The following AP1S3 variants were observed in gnomAD, a reference collection of about 807,000 sequenced individuals.
AP1S3 encodes adaptor related protein complex 1 subunit sigma 3, also known as AP-1 complex subunit sigma-3.
AP1S3 carries 10 observed loss-of-function variants against 20.9 expected under a neutral mutation model. The ratio of observed to expected loss-of-function variants is 0.48; its 90% CI spans 0.29 to 0.81. The LOEUF is 0.81. Ranked by LOEUF, AP1S3 falls within the 30% of genes least tolerant of loss-of-function variation. AP1S3 has a pLI of 0.08. For synonymous variants in AP1S3, 41 were observed against 61.5 expected (o/e 0.67, Z 1.56); for missense variants, 154 against 183.8 (o/e 0.84, Z 0.94).
chr2:223,769,736 ATTTTTT>A (rs61207667), intron 3 of AP1S3, among the ~76,000 whole-genome samples: 9 of 80,146 alleles, frequency 1.1e-4, no homozygotes, highest in East Asian at 8.8e-4. Context: ...ATGCAATCCC[ATTTTTT>A]TTTTTTTTTT....
chr2:223,768,247 G>A (rs1452339523), intron 3 of AP1S3, among the ~76,000 whole-genome samples: 1 of 152,074 alleles, frequency 6.6e-6, no homozygotes, highest in African/African-American at 2.4e-5. Flanking sequence ...AACAATTCTT[G>A]AATTGTGTCC....
chr2:223,806,646 T>C (rs185829241), intron 1 of AP1S3, among the ~76,000 whole-genome samples: 6 of 152,320 alleles, frequency 3.9e-5, no homozygotes, highest in Admixed American at 1.3e-4. Context: ...GTCCTTTTAT[T>C]TTCTTACAGT....
intron 2 of AP1S3, among the ~76,000 whole-genome samples, chr2:223,776,861 G>C (rs549081284): frequency 4.9e-4 from 74 of 152,206 alleles, no homozygotes; most frequent in Middle Eastern, 3.4e-3. Context: ...ACTGTGACTG[G>C]GAACTGACTA....
intron 2 of AP1S3, among the ~76,000 whole-genome samples, chr2:223,777,426 G>C (rs1690810875): frequency 6.6e-6 from 1 of 152,136 alleles, no homozygotes; most frequent in African/African-American, 2.4e-5. Flanking sequence ...TGCCAGGAAT[G>C]TAACAGGTGT....
chr2:223,777,784 T>G lies in AP1S3; in HGVS notation c.89A>C (p.Lys30Thr). Residue 30 changes from lysine to threonine, a missense_variant, in exon 2 of 5, where the codon AAG becomes ACG. Coordinates refer to ENST00000396654, the MANE Select transcript of AP1S3 (RefSeq NM_001039569.2). ...AATCTGAACAATTTCCCGGGTGATC[T>G]TCTTCCTCTCTTTATCAGGGAGAGT... ...YITLPDKERKKITREIVQIIL... is the reference protein window; with the variant it reads ...YITLPDKERKTITREIVQIIL... The G allele has an allele frequency of 1.2e-6, 2 of 1,614,170 alleles. No individual in the cohort carries two copies. Among genetic ancestry groups the G allele is most frequent in the Non-Finnish European group, 1.7e-6 (2 of 1,180,012 alleles).
intron 1 of AP1S3, among the ~76,000 whole-genome samples, chr2:223,816,809 A>G (rs979207252): frequency 1.3e-5 from 2 of 152,204 alleles, no homozygotes; most frequent in Non-Finnish European, 2.9e-5. Flanking sequence ...ATGACAGACA[A>G]TCCCCCATAA....
chr2:223,765,816 G>A (rs1160361630), intron 3 of AP1S3, among the ~76,000 whole-genome samples: 1 of 152,126 alleles, frequency 6.6e-6, no homozygotes, highest in East Asian at 1.9e-4. Flanking sequence ...ACAGCCAGTG[G>A]TTCTCAAACT....
intron 1 of AP1S3, among the ~76,000 whole-genome samples, chr2:223,833,241 AATACATAC>A (rs56906676): frequency 3.5e-4 from 52 of 148,550 alleles, no homozygotes; most frequent in East Asian, 2.6e-3. Context: ...TTAAAGGCAA[AATACATAC>A]ATACATACAT....
At chr2:223,764,680 T>G (rs1016146250) in intron 4 of AP1S3, among the ~76,000 whole-genome samples, 38 of 152,164 alleles carry the variant, frequency 2.5e-4, no homozygotes, top group Non-Finnish European at 3.8e-4. Flanking sequence ...ATAAATGCCA[T>G]GCTCAATAAT....
intron 3 of AP1S3, among the ~76,000 whole-genome samples, chr2:223,770,497 T>TAAACACAC (rs139230913): frequency 7.1e-6 from 1 of 141,640 alleles, no homozygotes; most frequent in Non-Finnish European, 1.5e-5. Flanking sequence ...AGAGAGACAA[T>TAAACACAC]ACACACACAC....
chr2:223,817,481 G>A (rs1314759466), intron 1 of AP1S3, among the ~76,000 whole-genome samples: 1 of 150,884 alleles, frequency 6.6e-6, no homozygotes, highest in Non-Finnish European at 1.5e-5. Context: ...GGTGGCACAT[G>A]CCTGTAATCC....
chr2:223,806,637 TC>T (rs1444583345), intron 1 of AP1S3, among the ~76,000 whole-genome samples: 1 of 152,138 alleles, frequency 6.6e-6, no homozygotes, highest in African/African-American at 2.4e-5. Flanking sequence ...ATTTAGATTG[TC>T]CTTTTATTTT....
chr2:223,789,037 G>A (rs1295420245), intron 1 of AP1S3, among the ~76,000 whole-genome samples: 1 of 152,004 alleles, frequency 6.6e-6, no homozygotes, highest in East Asian at 1.9e-4. Context: ...CTGCCTGTCA[G>A]CATTTTAAGC....
Position 223,756,542 on chromosome 2 carries a change from G to A in AP1S3, c.*2173C>T, listed in dbSNP as rs1359906788. The A allele has an allele frequency of 2.0e-6, 2 of 985,254 alleles. No homozygotes were observed. The highest frequency in any genetic ancestry group is 2.4e-6 in the Non-Finnish European group (2 of 829,908). The allele number at this position is 985,254 out of a possible 1,614,324, so 61.0% of individuals were successfully genotyped here. A position where few individuals can be genotyped will look rare whatever the true frequency, so the allele number is the denominator to read the frequency against. On this transcript the variant is annotated 3_prime_UTR_variant, in exon 5 of 5. Transcript: ENST00000396654. ...AGTTAAACCACAAAACTGAAGGTTA[G>A]CTAAAGTAAACACAGTGGTCAATCA...
intron 3 of AP1S3, among the ~76,000 whole-genome samples, chr2:223,765,987 C>T (rs144748271): frequency 3.3e-5 from 5 of 152,212 alleles, no homozygotes; most frequent in East Asian, 1.9e-4. Flanking sequence ...ATCCCTGGCG[C>T]GGATCAAAGC....
chr2:223,803,542 T>G (rs1484382140), intron 1 of AP1S3, among the ~76,000 whole-genome samples: 1 of 152,188 alleles, frequency 6.6e-6, no homozygotes, highest in African/African-American at 2.4e-5. Context: ...TGTAATGCCT[T>G]TGTGATGAAA....
At chr2:223,809,213 C>A (rs543567339) in intron 1 of AP1S3, among the ~76,000 whole-genome samples, 3 of 152,358 alleles carry the variant, frequency 2.0e-5, no homozygotes, top group African/African-American at 4.8e-5. Flanking sequence ...AACATGCCCC[C>A]TCACGACCTC....
chr2:223,782,833 TGTC>T (rs1690983039), intron 1 of AP1S3, among the ~76,000 whole-genome samples: 2 of 152,180 alleles, frequency 1.3e-5, no homozygotes, highest in South Asian at 4.1e-4. Context: ...GAGCTTGTGT[TGTC>T]GTGTCTGTCA....
intron 3 of AP1S3, chr2:223,773,178 T>C: frequency 1.2e-6 from 1 of 811,102 alleles, no homozygotes; most frequent in South Asian, 1.8e-5. Context: ...CTGGCTGAAA[T>C]TTGGTCAGAT....
Sources: allele counts gnomAD v4.1 joint callset (sites outside exome capture counted in the v4.1 genomes callset), GRCh38; gene constraint gnomAD v4.1.1; transcripts MANE v1.5; gene names NCBI Gene and HGNC (gene_info 2026-07-23, HGNC 2026-07-21).